The following ZNF682 variants were observed in gnomAD, a reference collection of about 807,000 sequenced individuals.
ZNF682 encodes the protein zinc finger protein 682.
Under a neutral mutation model 36.5 loss-of-function variants are expected in ZNF682, and 29 were observed. That is an observed-to-expected ratio of 0.80 (90% CI 0.59 to 1.08). The LOEUF (loss-of-function observed/expected upper bound fraction) is 1.08. Ranked by LOEUF, ZNF682 falls within the 50% of genes least tolerant of loss-of-function variation. The pLI, the probability that ZNF682 is intolerant of heterozygous loss-of-function variation, is 0.00. For synonymous variants in ZNF682, 180 were observed against 197.0 expected (o/e 0.91, Z 0.72); for missense variants, 561 against 579.7 (o/e 0.97, Z 0.33).
At chr19:19,998,519 A>G (rs2088141958) in intron 3 of ZNF682, among the ~76,000 whole-genome samples, 1 of 152,160 alleles carries the variant, frequency 6.6e-6, no homozygotes, top group African/African-American at 2.4e-5. Context: ...ACCTTTCAAC[A>G]ACAAATACTA....
chr19:20,016,771 G>A (rs554736464), intron 3 of ZNF682, among the ~76,000 whole-genome samples: 1 of 152,174 alleles, frequency 6.6e-6, no homozygotes, highest in South Asian at 2.1e-4. Flanking sequence ...GTCACCATGT[G>A]TATAGTTCTA....
At chr19:20,035,829 A>T (rs1025048699) in intron 1 of ZNF682, among the ~76,000 whole-genome samples, 2 of 151,178 alleles carry the variant, frequency 1.3e-5, no homozygotes, top group African/African-American at 2.4e-5. Context: ...TCTGCCTCCC[A>T]GGTTCAGGCA....
In ZNF682 at chr19:20,006,252, C is replaced by T; in HGVS notation, c.1250G>A (p.Arg417Lys). ...GTAGGGTTTCTCTCCAGTATGAATT[C>T]TCTTATGTTCAGTAAGGATTGAGGA... The part of the protein sequence containing the change: ...NWSSILTEHK[R>K]IHTGEKPYNC... Residue 417 changes from arginine to lysine, a missense_variant, in exon 4 of 4, where the codon AGA becomes AAA. Physicochemically the swap from Arg to Lys is conservative, Grantham distance 26 (BLOSUM62 2). Transcript: ENST00000397165. The T allele has an allele frequency of 6.2e-7, 1 of 1,613,600 alleles. No individual in the cohort carries two copies. Among genetic ancestry groups the T allele is most frequent in the East Asian group, 2.2e-5 (1 of 44,832 alleles).
chr19:20,019,815 CTT>C lies in ZNF682; in HGVS notation c.226+3187_226+3188del, dbSNP rs1247000874. Among the ~76,000 whole-genome samples the C allele has an allele frequency of 3.9e-5, 6 of 152,174 alleles. No homozygotes were observed. The East Asian group carries it at 1.2e-3, about 29-fold the overall frequency. On this transcript the variant is annotated intron_variant, in intron 3 of 3. Transcript: ENST00000397165. ...TTAGGATGTCTATTATCAAGAGACA[CTT>C]ATATTTTTTGGGTGATGTATACCCT...
intron 1 of ZNF682, 153 bp from the exon 2 acceptor site, chr19:20,024,529 A>G: frequency 1.1e-6 from 1 of 908,816 alleles, no homozygotes; most frequent in Middle Eastern, 2.3e-4. Flanking sequence ...ATTCTCTAAC[A>G]CTGAGGAAAG....
At chr19:20,036,882 G>A (rs563106086) in intron 1 of ZNF682, among the ~76,000 whole-genome samples, 2 of 151,654 alleles carry the variant, frequency 1.3e-5, no homozygotes, top group East Asian at 3.9e-4. Flanking sequence ...GTAACTGGGA[G>A]GCTGAGGTAG....
chr19:20,017,056 C>T (rs1568541769), intron 3 of ZNF682, among the ~76,000 whole-genome samples: 1 of 151,854 alleles, frequency 6.6e-6, no homozygotes, highest in East Asian at 1.9e-4. Flanking sequence ...ACAAAAATAC[C>T]TATAGAAGAT....
At chr19:20,016,986 G>A (rs1298721510) in intron 3 of ZNF682, among the ~76,000 whole-genome samples, 1 of 152,092 alleles carries the variant, frequency 6.6e-6, no homozygotes, top group East Asian at 1.9e-4. Context: ...TTCAACTGAA[G>A]TAAAGATGAG....
downstream of ZNF682, among the ~76,000 whole-genome samples, chr19:20,003,944 GGTA>G (rs1172781067): frequency 3.9e-5 from 6 of 152,076 alleles, no homozygotes; most frequent in Non-Finnish European, 5.9e-5. Flanking sequence ...TCTCAAAATA[GGTA>G]CACATCCACA....
intron 3 of ZNF682, among the ~76,000 whole-genome samples, chr19:20,022,756 A>G (rs1266692707): frequency 1.3e-5 from 2 of 152,258 alleles, no homozygotes; most frequent in Non-Finnish European, 2.9e-5. Flanking sequence ...GCAGTCAGAT[A>G]ATAAAGTCTC....
intron 3 of ZNF682, among the ~76,000 whole-genome samples, chr19:20,016,319 GA>G (rs2088334260): frequency 6.6e-6 from 1 of 152,052 alleles, no homozygotes; most frequent in African/African-American, 2.4e-5. Flanking sequence ...TCCTTTAAAG[GA>G]ATAAAATGAT....
At chr19:19,997,811 T>C (rs566821291) in intron 3 of ZNF682, among the ~76,000 whole-genome samples, 6 of 152,252 alleles carry the variant, frequency 3.9e-5, no homozygotes, top group African/African-American at 1.4e-4. Context: ...AACATAAAAA[T>C]AGCTTTGTTC....
Position 20,006,420 on chromosome 19 carries a change from A to G in ZNF682, c.1082T>C (p.Val361Ala). The stretch of plus-strand genomic sequence containing the variant: ...GTAGGGTTTCTCTCCGCTATGAATT[A>G]CCTTATGTTCAGTAAGAATTGATGA... Reference protein sequence around the residue: ...NSSSILTEHKVIHSGEKPYKC... With the variant: ...NSSSILTEHKAIHSGEKPYKC... The change falls in exon 4 of 4, where the codon GTA becomes GCA. Residue 361 changes from valine to alanine, a missense_variant. Transcript: ENST00000397165. 1 of 1,611,462 alleles carries G rather than the reference A, an allele frequency of 6.2e-7. No homozygotes were observed. The highest frequency in any genetic ancestry group is 8.5e-7 in the Non-Finnish European group (1 of 1,179,368).
chr19:20,004,040 T>C (rs1439790529), downstream of ZNF682, among the ~76,000 whole-genome samples: 5 of 152,298 alleles, frequency 3.3e-5, no homozygotes, highest in African/African-American at 1.2e-4. Context: ...TTCATGTAAG[T>C]GAAAACTTAA....
At chr19:20,024,636 G>A (rs1300342270) in intron 1 of ZNF682, among the ~76,000 whole-genome samples, 1 of 152,158 alleles carries the variant, frequency 6.6e-6, no homozygotes, top group African/African-American at 2.4e-5. Flanking sequence ...TCAGGAATTT[G>A]AGACCAGCCT....
At chr19:20,019,098 T>C (rs923484296) in intron 3 of ZNF682, among the ~76,000 whole-genome samples, 1 of 152,148 alleles carries the variant, frequency 6.6e-6, no homozygotes, top group Non-Finnish European at 1.5e-5. Context: ...TGAACTGACA[T>C]CTCTCCGAAG....
At chr19:20,026,041 G>A (rs1816154195) in intron 1 of ZNF682, among the ~76,000 whole-genome samples, 2 of 152,090 alleles carry the variant, frequency 1.3e-5, no homozygotes, top group Admixed American at 6.6e-5. Flanking sequence ...TGTGGCTCAC[G>A]CCTGTAATCC....
intron 1 of ZNF682, among the ~76,000 whole-genome samples, chr19:20,036,622 A>G (rs1362828428): frequency 6.6e-6 from 1 of 150,744 alleles, no homozygotes; most frequent in Non-Finnish European, 1.5e-5. Flanking sequence ...AAAAAAAAAA[A>G]AAAAAAAGAT....
In ZNF682 at chr19:20,023,102, G is replaced by A; in HGVS notation, c.131-3C>T. Reference sequence around the variant, plus strand: ...TTCTGGCTTAGAAACAGTAAGACCTGTTTTATTAGAAAAAAGTAATGTGAT... The same window carrying A: ...TTCTGGCTTAGAAACAGTAAGACCTATTTTATTAGAAAAAAGTAATGTGAT... On this transcript the variant is annotated splice_region_variant and splice_polypyrimidine_tract_variant and intron_variant, in intron 2 of 3. Coordinates refer to ENST00000397165, the MANE Select transcript of ZNF682 (RefSeq NM_033196.3). 1.2e-6 allele frequency: 2 copies of A among 1,612,798 alleles called. No homozygotes were observed. The highest frequency in any genetic ancestry group is 8.5e-7 in the Non-Finnish European group (1 of 1,179,128).
Sources: allele counts gnomAD v4.1 joint callset (sites outside exome capture counted in the v4.1 genomes callset), GRCh38; gene constraint gnomAD v4.1.1; transcripts MANE v1.5; gene names NCBI Gene and HGNC (gene_info 2026-07-23, HGNC 2026-07-21).